Variants in SLC17A4 observed in about 807,000 individuals in gnomAD.
SLC17A4 encodes the protein probable small intestine urate exporter.
SLC17A4 carries 33 observed loss-of-function variants against 52.5 expected under a neutral mutation model. The observed-to-expected ratio is 0.63, with a 90% CI of 0.48 to 0.84. The LOEUF is 0.84. SLC17A4 is among the 40% of genes least tolerant of loss of function. The probability of loss-of-function intolerance (pLI) is 0.00; values close to 1 mark genes in which losing one functional copy is unlikely to be tolerated. For synonymous variants in SLC17A4, 225 were observed against 216.2 expected, an observed-to-expected ratio of 1.04 and a Z score of -0.36; for missense variants, 585 against 597.1, an observed-to-expected ratio of 0.98 and a Z score of 0.21.
chr6:25,755,572 G>A (rs1760944838), intron 1 of SLC17A4, among the ~76,000 whole-genome samples: 1 of 152,142 alleles, frequency 6.6e-6, no homozygotes, highest in Admixed American at 6.5e-5. Flanking sequence ...GTCTTGGCAA[G>A]AAAAACTGAT....
chr6:25,769,123 C>A lies in SLC17A4; in HGVS notation c.230C>A (p.Ser77Tyr). 2 of 1,614,040 alleles carry A rather than the reference C, an allele frequency of 1.2e-6. No individual in the cohort carries two copies. The highest frequency in any genetic ancestry group is 1.7e-6 in the Non-Finnish European group (2 of 1,179,964). Reference protein sequence around the residue: ...NTAPPSQPNASTERPSTDSQG... With the variant: ...NTAPPSQPNAYTERPSTDSQG... ...GCCCCACCTAGCCAGCCCAATGCTT[C>A]CACAGAACGGCCCTCCACTGACTCC... The change falls in exon 3 of 12, where the codon TCC (serine) becomes TAC (tyrosine). Residue 77 changes from serine to tyrosine, a missense_variant. Ser to Tyr is a moderately radical substitution (Grantham distance 144). Transcript: ENST00000377905.
At chr6:25,766,596 C>T (rs1205940190) in intron 2 of SLC17A4, among the ~76,000 whole-genome samples, 1 of 152,150 alleles carries the variant, frequency 6.6e-6, no homozygotes, top group African/African-American at 2.4e-5. Flanking sequence ...ATCAACTCAA[C>T]AGTAAGAAGT....
intron 1 of SLC17A4, among the ~76,000 whole-genome samples, chr6:25,755,107 A>G (rs1760900534): frequency 7.3e-6 from 1 of 137,130 alleles, no homozygotes; most frequent in African/African-American, 2.5e-5. Flanking sequence ...AGAGAGGAAG[A>G]GACAGAAACT....
intron 1 of SLC17A4, among the ~76,000 whole-genome samples, chr6:25,760,233 T>C (rs1761418961): frequency 6.6e-6 from 1 of 152,248 alleles, no homozygotes; most frequent in South Asian, 2.1e-4. Context: ...TTAATCTATA[T>C]TCATATATTA....
At chr6:25,770,560 A>G (rs1762399511) in intron 5 of SLC17A4, 89 bp downstream of exon 5, 4 of 1,169,556 alleles carry the variant, frequency 3.4e-6, no homozygotes, top group African/African-American at 3.0e-5. Flanking sequence ...TTATATATCA[A>G]TCTCTGTGTC....
Position 25,773,499 on chromosome 6 carries a change from G to A in SLC17A4, c.826-14G>A, listed in dbSNP as rs749015651. On this transcript the variant is annotated splice_polypyrimidine_tract_variant and intron_variant, in intron 7 of 11. Transcript: ENST00000377905. ...CTTCTGACGGAGGGGACATTGATGTGTGCTTTCTTCCAGGACTGTTCACCA... is the reference window on the plus strand; with the variant it reads ...CTTCTGACGGAGGGGACATTGATGTATGCTTTCTTCCAGGACTGTTCACCA... The A allele has an allele frequency of 3.7e-6, 6 of 1,613,658 alleles. No individual in the cohort carries two copies. The highest frequency in any genetic ancestry group is 2.2e-5 in the South Asian group (2 of 91,036).
At position 25,769,170 on chromosome 6, in the gene SLC17A4, C is replaced by A. The variant is rs765082542; in HGVS notation, c.277C>A (p.Leu93Ile). Residue 93 changes from leucine (L) to isoleucine (I), a missense_variant, in exon 3 of 12, where the codon CTA becomes ATA. Leu to Ile is a conservative substitution (Grantham distance 5). Transcript: ENST00000377905. ...CTCCCAGGGCTACTGGAATGAAACT[C>A]TAAAAGAATTTAAAGCAATGGTAAG... The part of the protein sequence containing the change: ...TDSQGYWNET[L>I]KEFKAMAPAY... 1 of 1,613,892 alleles carries A rather than the reference C, an allele frequency of 6.2e-7. No homozygotes were observed. The highest frequency in any genetic ancestry group is 8.5e-7 in the Non-Finnish European group (1 of 1,179,882).
intron 11 of SLC17A4, among the ~76,000 whole-genome samples, chr6:25,778,320 AAAGAATG>A (rs1274349281): frequency 2.6e-5 from 4 of 151,714 alleles, no homozygotes; most frequent in African/African-American, 9.7e-5. Flanking sequence ...CAGGAAAGTT[AAAGAATG>A]ACTTTCCTGT....
chr6:25,769,039 C>A lies in SLC17A4; in HGVS notation c.146C>A (p.Ser49Ter). Residue 49 changes from serine to a stop codon, truncating the protein, a stop_gained, in exon 3 of 12, where the codon TCA (serine) becomes TAA (stop). Coordinates refer to ENST00000377905, the MANE Select transcript of SLC17A4 (RefSeq NM_005495.3). LOFTEE classifies it high-confidence loss of function. ...LALILQLCNF[S>*]IYTQQMNLSI... ...CTCATCTTGCAGCTCTGTAATTTTT[C>A]AATTTACACCCAACAAATGAACTTG... The A allele has an allele frequency of 6.2e-7, 1 of 1,614,024 alleles. No individual in the cohort carries two copies. The highest frequency in any genetic ancestry group is 8.5e-7 in the Non-Finnish European group (1 of 1,179,990).
intron 8 of SLC17A4, 51 bp from the exon 9 acceptor site, chr6:25,776,544 G>T: frequency 6.5e-7 from 1 of 1,546,126 alleles, no homozygotes; most frequent in Non-Finnish European, 8.7e-7. Context: ...TGTCTGTGTC[G>T]TGGTGGGGGT....
intron 1 of SLC17A4, among the ~76,000 whole-genome samples, chr6:25,758,945 T>C (rs182339959): frequency 2.6e-5 from 4 of 152,288 alleles, no homozygotes; most frequent in Non-Finnish European, 5.9e-5. Context: ...TGGTATGAAC[T>C]TTCCTCTTAG....
intron 2 of SLC17A4, among the ~76,000 whole-genome samples, chr6:25,767,722 C>T (rs1403812941): frequency 6.6e-6 from 1 of 152,020 alleles, no homozygotes; most frequent in African/African-American, 2.4e-5. Context: ...GCTGAGGTGC[C>T]CATTCTTACC....
intron 2 of SLC17A4, among the ~76,000 whole-genome samples, chr6:25,763,798 G>C (rs1490284263): frequency 1.3e-5 from 2 of 152,202 alleles, no homozygotes; most frequent in Non-Finnish European, 2.9e-5. Flanking sequence ...GGGATTTCTG[G>C]GGCCAGGCTG....
chr6:25,764,344 G>A (rs780368207), intron 2 of SLC17A4, among the ~76,000 whole-genome samples: 4 of 152,182 alleles, frequency 2.6e-5, no homozygotes, highest in Non-Finnish European at 5.9e-5. Flanking sequence ...CATATCAAAT[G>A]CCTGCAGGAA....
chr6:25,776,667 T>C lies in SLC17A4; in HGVS notation c.1060T>C (p.Phe354Leu), dbSNP rs149342678. 1 of 1,613,940 alleles carries C rather than the reference T, an allele frequency of 6.2e-7. No homozygotes were observed. The highest frequency in any genetic ancestry group is 1.7e-5 in the Admixed American group (1 of 59,992). The change falls in exon 9 of 12, where the codon TTT becomes CTT. Residue 354 changes from phenylalanine to leucine, a missense_variant. Coordinates refer to ENST00000377905, the MANE Select transcript of SLC17A4 (RefSeq NM_005495.3). ...TATCCTTGGAGGTCTACTGGCAGAC[T>C]TTCTTCTCTCCAGAAAAATCCTCAG... ...CIILGGLLAD[F>L]LLSRKILRLI...
At chr6:25,756,376 A>G (rs1260110691) in intron 1 of SLC17A4, among the ~76,000 whole-genome samples, 2 of 152,100 alleles carry the variant, frequency 1.3e-5, no homozygotes, top group African/African-American at 4.8e-5. Flanking sequence ...CATTTCACAC[A>G]ACCACACTAG....
chr6:25,761,273 C>G (rs77337436), intron 1 of SLC17A4, among the ~76,000 whole-genome samples: 2,230 of 152,272 alleles, frequency 0.015, 31 homozygotes, highest in Middle Eastern at 0.041. Flanking sequence ...CCTCTGTAAC[C>G]AAGTTTTGAA....
At chr6:25,759,184 C>T (rs1378494151) in intron 1 of SLC17A4, among the ~76,000 whole-genome samples, 3 of 152,042 alleles carry the variant, frequency 2.0e-5, no homozygotes, top group Non-Finnish European at 4.4e-5. Context: ...TTTCGATTTC[C>T]TTAAATTTGT....
chr6:25,763,837 C>T (rs1432445922), intron 2 of SLC17A4, among the ~76,000 whole-genome samples: 1 of 152,310 alleles, frequency 6.6e-6, no homozygotes, highest in East Asian at 1.9e-4. Context: ...ACCTTCTGAT[C>T]CCCTTTTCCC....
Sources: gnomAD v4.1 joint callset for allele counts (sites outside exome capture counted in the v4.1 genomes callset) on GRCh38, gnomAD v4.1.1 for gene constraint, MANE v1.5 for transcripts, NCBI Gene and HGNC (gene_info 2026-07-23, HGNC 2026-07-21) for gene names.